The following CABLES1 variants were observed in gnomAD, a reference collection of about 807,000 sequenced individuals.
CABLES1 encodes the protein CDK5 and ABL1 enzyme substrate 1.
CABLES1 carries 36 observed loss-of-function variants against 57.8 expected under a neutral mutation model. The ratio of observed to expected loss-of-function variants is 0.62; its 90% CI spans 0.48 to 0.82. The LOEUF is 0.82. Among genes scored for constraint, CABLES1 ranks in the 40% least tolerant of loss-of-function variants. The pLI is 0.00. For synonymous variants in CABLES1, 374 were observed against 363.0 expected, an observed-to-expected ratio of 1.03 and a Z score of -0.35; for missense variants, 767 against 836.6, an observed-to-expected ratio of 0.92 and a Z score of 1.03.
At chr18:23,213,882 A>G (rs1701010752) in intron 3 of CABLES1, 95 bp from the exon 4 acceptor site, 1 of 760,708 alleles carries the variant, frequency 1.3e-6, no homozygotes, top group Non-Finnish European at 2.2e-6. Flanking sequence ...TACTGCTATG[A>G]ATGCCATGAA....
At chr18:23,204,612 G>C (rs1314105141) in intron 3 of CABLES1, 1 of 152,386 alleles carries the variant, frequency 6.6e-6, no homozygotes, top group Non-Finnish European at 1.5e-5. Flanking sequence ...TTCTCACGCT[G>C]CTGATTCGTC....
chr18:23,251,935 A>T (rs2048048212), intron 7 of CABLES1, among the ~76,000 whole-genome samples: 2 of 151,996 alleles, frequency 1.3e-5, no homozygotes. Context: ...AAAATACAAA[A>T]ATTAGCTGGG....
At chr18:23,206,243 C>T (rs1431511531) in intron 3 of CABLES1, among the ~76,000 whole-genome samples, 1 of 152,186 alleles carries the variant, frequency 6.6e-6, no homozygotes, top group Non-Finnish European at 1.5e-5. Flanking sequence ...GGCTGCAATC[C>T]CCACCTTAAG....
intron 1 of CABLES1, among the ~76,000 whole-genome samples, chr18:23,148,026 GT>G (rs1339043001): frequency 1.9e-5 from 2 of 105,958 alleles, no homozygotes; most frequent in Non-Finnish European, 3.5e-5. Context: ...GTCTCGCTTT[GT>G]TGCCCAGGCT....
intron 3 of CABLES1, among the ~76,000 whole-genome samples, chr18:23,195,299 T>C (rs2047274260): frequency 6.6e-6 from 1 of 152,158 alleles, no homozygotes; most frequent in Non-Finnish European, 1.5e-5. Context: ...GGGCAGTTGC[T>C]CCCCACTGAC....
intron 1 of CABLES1, 101 bp from the exon 2 acceptor site, chr18:23,188,737 G>A (rs2047220578): frequency 1.2e-6 from 1 of 833,970 alleles, no homozygotes; most frequent in Non-Finnish European, 2.1e-6. Flanking sequence ...TTTCTTAACG[G>A]ACTTCATGTT....
rs138679244 is a variant in CABLES1, at chr18:23,216,033, C to T, written c.1088+1979C>T. Among the ~76,000 whole-genome samples the T allele has an allele frequency of 5.5e-3, 841 of 152,294 alleles. 10 individuals are homozygous for T. The highest frequency in any genetic ancestry group is 0.019 in the African/African-American group (809 of 41,562). On this transcript the variant is annotated intron_variant, in intron 4 of 9. Coordinates refer to ENST00000256925, the MANE Select transcript of CABLES1 (RefSeq NM_001100619.3). Reference sequence around the variant, plus strand: ...CCTCCCAAAGTGCTGGGATTACAGGCGTGAGCCACCACGCCCGGCCAACTA... The same window carrying T: ...CCTCCCAAAGTGCTGGGATTACAGGTGTGAGCCACCACGCCCGGCCAACTA...
At chr18:23,246,783 C>A (rs2047906116) in intron 7 of CABLES1, among the ~76,000 whole-genome samples, 1 of 151,844 alleles carries the variant, frequency 6.6e-6, no homozygotes, top group Admixed American at 6.5e-5. Flanking sequence ...TCTTCATCTC[C>A]CAGGTTCAAG....
At chr18:23,236,083 G>A (rs752923690) in intron 6 of CABLES1, 32 bp downstream of exon 6, 16 of 1,608,348 alleles carry the variant, frequency 9.9e-6, no homozygotes, top group African/African-American at 5.4e-5. Flanking sequence ...CTGGTAGCTC[G>A]TGGTGGGAGG....
At chr18:23,152,469 T>G (rs1343770328) in intron 1 of CABLES1, among the ~76,000 whole-genome samples, 1 of 150,102 alleles carries the variant, frequency 6.7e-6, no homozygotes, top group Non-Finnish European at 1.5e-5. Context: ...ATCTCAAGTT[T>G]ATAATCGTTT....
intron 1 of CABLES1, among the ~76,000 whole-genome samples, chr18:23,161,884 T>C (rs1446220311): frequency 2.7e-5 from 4 of 150,824 alleles, no homozygotes; most frequent in African/African-American, 7.3e-5. Flanking sequence ...ATTGTGCCAC[T>C]GCACTCCAGC....
At chr18:23,138,008 G>A (rs1043686290) in intron 1 of CABLES1, among the ~76,000 whole-genome samples, 1 of 152,178 alleles carries the variant, frequency 6.6e-6, no homozygotes, top group Non-Finnish European at 1.5e-5. Flanking sequence ...CAAACTCAGC[G>A]TTTCTGGGCA....
At chr18:23,144,943 T>C (rs2046882308) in intron 1 of CABLES1, among the ~76,000 whole-genome samples, 1 of 151,840 alleles carries the variant, frequency 6.6e-6, no homozygotes, top group African/African-American at 2.4e-5. Context: ...TCTTTCTTTT[T>C]TTTTTTCTTT....
chr18:23,153,154 G>C (rs573918396), intron 1 of CABLES1, among the ~76,000 whole-genome samples: 1 of 151,856 alleles, frequency 6.6e-6, no homozygotes, highest in African/African-American at 2.4e-5. Context: ...GGAGTGTAGC[G>C]GCATAACCTT....
At chr18:23,239,423 C>G (rs2047680888) in intron 7 of CABLES1, among the ~76,000 whole-genome samples, 1 of 152,196 alleles carries the variant, frequency 6.6e-6, no homozygotes, top group Non-Finnish European at 1.5e-5. Context: ...GGGAAATCCA[C>G]GTTTCAGAAT....
At chr18:23,200,532 G>A (rs139698563) in intron 3 of CABLES1, among the ~76,000 whole-genome samples, 23,773 of 152,100 alleles carry the variant, frequency 0.16, 2,534 homozygotes, top group Middle Eastern at 0.22. Context: ...AAAGTGCTGG[G>A]ATTACAGGCG....
At chr18:23,147,615 A>G (rs753463839) in intron 1 of CABLES1, among the ~76,000 whole-genome samples, 37 of 152,224 alleles carry the variant, frequency 2.4e-4, no homozygotes, top group Non-Finnish European at 5.0e-4. Flanking sequence ...TAGTTTCATC[A>G]GTAGTAGTGA....
rs557988679 is a variant in CABLES1, at chr18:23,257,904, A to C, written c.*537A>C. ...TGTGCAAGTGTCTGAGAGATACTGC[A>C]TCAGCCCTAGACCCCCAGAGCCAGT... is the stretch of plus-strand genomic sequence containing the variant. On this transcript the variant is annotated 3_prime_UTR_variant, in exon 10 of 10. Transcript: ENST00000256925. 1 of 152,564 alleles carries C rather than the reference A, an allele frequency of 6.6e-6. No individual in the cohort carries two copies. The highest frequency in any genetic ancestry group is 1.9e-4 in the East Asian group (1 of 5,194). 9.5% of individuals were successfully genotyped at this position (152,564 alleles called of 1,614,324 possible).
intron 4 of CABLES1, among the ~76,000 whole-genome samples, chr18:23,215,760 CT>C (rs558089752): frequency 3.6e-4 from 53 of 145,734 alleles, no homozygotes; most frequent in Admixed American, 3.4e-4. Context: ...TTCTTTTTTT[CT>C]TTTTTTTTTT....
Sources: gnomAD v4.1 joint callset for allele counts (sites outside exome capture counted in the v4.1 genomes callset) on GRCh38, gnomAD v4.1.1 for gene constraint, MANE v1.5 for transcripts, NCBI Gene and HGNC (gene_info 2026-07-23, HGNC 2026-07-21) for gene names.